KIZ: variants seen among roughly 807,000 people sequenced by gnomAD.
KIZ encodes the protein centrosomal protein kizuna.
Under a neutral mutation model 79.6 loss-of-function variants are expected in KIZ, and 68 were observed. The observed-to-expected ratio is 0.85, with a 90% CI of 0.70 to 1.05. KIZ has a LOEUF of 1.05. KIZ is among the 50% of genes least tolerant of loss of function. KIZ has a pLI of 0.00. For synonymous variants in KIZ, 280 were observed against 281.8 expected, an observed-to-expected ratio of 0.99 and a Z score of 0.06; for missense variants, 797 against 800.4, an observed-to-expected ratio of 1.00 and a Z score of 0.05.
intron 6 of KIZ, among the ~76,000 whole-genome samples, chr20:21,203,872 T>C (rs1421070074): frequency 6.6e-6 from 1 of 152,186 alleles, no homozygotes; most frequent in African/African-American, 2.4e-5. Context: ...ATATCTTTAC[T>C]TTGTTGTACA....
chr20:21,229,153 G>A, intron 10 of KIZ, 38 bp downstream of exon 10: 6 of 1,209,312 alleles, frequency 5.0e-6, no homozygotes, highest in Non-Finnish European at 7.3e-6. Flanking sequence ...GGGGCCCAGA[G>A]TGGCAGGCAG....
chr20:21,154,550 T>C (rs1440229619), intron 4 of KIZ, among the ~76,000 whole-genome samples: 1 of 152,224 alleles, frequency 6.6e-6, no homozygotes, highest in Non-Finnish European at 1.5e-5. Flanking sequence ...ACTAAAATCT[T>C]GGATTATAGA....
Position 21,241,121 on chromosome 20 carries a change from T to C in KIZ, c.1881-3124T>C, listed in dbSNP as rs554677698. Reference sequence around the variant, plus strand: ...CTTTGATTTCTTTTACTTTCTGAAATGCAGTTTTGTTTTTCTTTCATCTAC... The same window carrying C: ...CTTTGATTTCTTTTACTTTCTGAAACGCAGTTTTGTTTTTCTTTCATCTAC... On this transcript the variant is annotated intron_variant, in intron 11 of 12. Transcript: ENST00000619189. Among the ~76,000 whole-genome samples, 4 of 152,394 alleles carry C rather than the reference T, an allele frequency of 2.6e-5. No individual in the cohort carries two copies. The South Asian group carries it at 8.3e-4, about 32-fold the overall frequency.
At chr20:21,223,815 G>A (rs959976151) in intron 9 of KIZ, among the ~76,000 whole-genome samples, 11 of 150,370 alleles carry the variant, frequency 7.3e-5, no homozygotes, top group African/African-American at 2.5e-4. Context: ...GATTACAGGC[G>A]CCCGCCACCA....
chr20:21,140,871 G>C (rs1322287442), intron 3 of KIZ, among the ~76,000 whole-genome samples: 3 of 151,898 alleles, frequency 2.0e-5, no homozygotes, highest in African/African-American at 7.3e-5. Context: ...AGCTGTAGGA[G>C]TGTGCACCAG....
chr20:21,214,635 A>G lies in KIZ; in HGVS notation c.1547A>G (p.Asp516Gly), dbSNP rs867331322. Residue 516 changes from aspartate (D) to glycine (G), a missense_variant, in exon 8 of 13, where the codon GAC becomes GGC. Physicochemically the swap from Asp to Gly is moderately conservative, Grantham distance 94 (BLOSUM62 -1). Transcript: ENST00000619189. ...TGCAGCTTGCCATCTATTCTGAATG[A>G]CAATAGTGGAATAAAGGAAGCCAAA... ...SSCSLPSILN[D>G]NSGIKEAKPA... The G allele has an allele frequency of 5.0e-6, 8 of 1,612,398 alleles. No homozygotes were observed. In the Middle Eastern group the frequency reaches 6.6e-4, roughly 133 times the overall value.
At chr20:21,181,210 G>A (rs927404939) in intron 6 of KIZ, among the ~76,000 whole-genome samples, 2 of 152,162 alleles carry the variant, frequency 1.3e-5, no homozygotes, top group Non-Finnish European at 2.9e-5. Flanking sequence ...TGTAGGCCCA[G>A]GGGATGCAGT....
At chr20:21,219,088 G>A (rs1486599083) in intron 9 of KIZ, among the ~76,000 whole-genome samples, 1 of 152,182 alleles carries the variant, frequency 6.6e-6, no homozygotes, top group Non-Finnish European at 1.5e-5. Context: ...AAGCTGTGAA[G>A]TCATACCTTT....
At chr20:21,146,842 C>A (rs1197542178) in intron 4 of KIZ, among the ~76,000 whole-genome samples, 2 of 151,570 alleles carry the variant, frequency 1.3e-5, no homozygotes, top group African/African-American at 2.4e-5. Flanking sequence ...AAAAAAAAAA[C>A]CCTAGAACTT....
chr20:21,220,657 A>G (rs2036473927), intron 9 of KIZ, among the ~76,000 whole-genome samples: 1 of 151,814 alleles, frequency 6.6e-6, no homozygotes, highest in Non-Finnish European at 1.5e-5. Context: ...CTAATTTTGT[A>G]TTCTTAATAG....
chr20:21,188,673 T>C (rs2123001293), intron 6 of KIZ, among the ~76,000 whole-genome samples: 1 of 142,354 alleles, frequency 7.0e-6, no homozygotes, highest in East Asian at 2.0e-4. Context: ...GTTTTGCATT[T>C]TATTTTATTT....
At chr20:21,219,280 G>T (rs2036422289) in intron 9 of KIZ, among the ~76,000 whole-genome samples, 1 of 152,222 alleles carries the variant, frequency 6.6e-6, no homozygotes, top group African/African-American at 2.4e-5. Context: ...TATCTTCCAG[G>T]GGTGAGTGCT....
At chr20:21,210,679 C>T (rs920345386) in intron 7 of KIZ, among the ~76,000 whole-genome samples, 2 of 151,994 alleles carry the variant, frequency 1.3e-5, no homozygotes, top group Admixed American at 6.6e-5. Context: ...GGCCAGATCT[C>T]ACTCTGGAAG....
chr20:21,142,366 TA>T (rs2032603060), intron 3 of KIZ, among the ~76,000 whole-genome samples: 1 of 152,076 alleles, frequency 6.6e-6, no homozygotes, highest in Non-Finnish European at 1.5e-5. Flanking sequence ...ATCTGACCCA[TA>T]ATATGGCACA....
chr20:21,244,490 G>T, intron 12 of KIZ: 1 of 587,604 alleles, frequency 1.7e-6, no homozygotes, highest in Non-Finnish European at 3.0e-6. Context: ...GGGTGCCATG[G>T]ACCACAGGGG....
At chr20:21,241,891 AT>A (rs1194517456) in intron 11 of KIZ, among the ~76,000 whole-genome samples, 5 of 148,922 alleles carry the variant, frequency 3.4e-5, no homozygotes, top group African/African-American at 9.9e-5. Flanking sequence ...CTGGGTTTTT[AT>A]TTTTTTTTCT....
At chr20:21,227,527 T>C (rs562477401) in intron 9 of KIZ, among the ~76,000 whole-genome samples, 2 of 152,334 alleles carry the variant, frequency 1.3e-5, no homozygotes, top group East Asian at 3.9e-4. Context: ...TTGATTTTTA[T>C]AAAATAAAAA....
At chr20:21,223,826 T>C (rs1462973781) in intron 9 of KIZ, among the ~76,000 whole-genome samples, 1 of 151,656 alleles carries the variant, frequency 6.6e-6, no homozygotes, top group Non-Finnish European at 1.5e-5. Flanking sequence ...CCCGCCACCA[T>C]GCCCAGCTAA....
chr20:21,242,326 A>C (rs1348171330), intron 11 of KIZ, among the ~76,000 whole-genome samples: 1 of 152,214 alleles, frequency 6.6e-6, no homozygotes, highest in East Asian at 1.9e-4. Flanking sequence ...GCAGAAATCA[A>C]TGGAAAGGCA....
Sources: allele counts gnomAD v4.1 joint callset (sites outside exome capture counted in the v4.1 genomes callset), GRCh38; gene constraint gnomAD v4.1.1; transcripts MANE v1.5; gene names NCBI Gene and HGNC (gene_info 2026-07-23, HGNC 2026-07-21).